KCNQ5: variants seen among roughly 807,000 people sequenced by gnomAD.
KCNQ5 encodes potassium voltage-gated channel subfamily KQT member 5.
Under a neutral mutation model 98.2 loss-of-function variants are expected in KCNQ5, and 30 were observed. The ratio of observed to expected loss-of-function variants is 0.31; its 90% CI spans 0.23 to 0.41. The LOEUF is 0.41. KCNQ5 is among the 10% of genes least tolerant of loss of function. KCNQ5 has a pLI of 1.00. For missense variants in KCNQ5, 835 were observed against 1,182.5 expected, an observed-to-expected ratio of 0.71 and a Z score of 4.31; for synonymous variants, 458 against 449.4, an observed-to-expected ratio of 1.02 and a Z score of -0.24.
chr6:73,094,959 T>C (rs1011319690), intron 5 of KCNQ5, among the ~76,000 whole-genome samples: 2 of 152,208 alleles, frequency 1.3e-5, no homozygotes, highest in African/African-American at 4.8e-5. Flanking sequence ...TGTATTTGGA[T>C]GTCTAGGTCT....
chr6:72,713,586 C>T (rs890358920), intron 1 of KCNQ5, among the ~76,000 whole-genome samples: 31 of 152,130 alleles, frequency 2.0e-4, no homozygotes, highest in African/African-American at 7.5e-4. Flanking sequence ...AGTCAATATT[C>T]CATATTGTCA....
intron 1 of KCNQ5, among the ~76,000 whole-genome samples, chr6:72,831,368 G>T (rs1246547485): frequency 6.6e-6 from 1 of 152,126 alleles, no homozygotes; most frequent in South Asian, 2.1e-4. Flanking sequence ...AGAAAATGTA[G>T]CACATATACA....
chr6:73,098,178 GAAGA>G (rs1427748862), intron 5 of KCNQ5, among the ~76,000 whole-genome samples: 1 of 152,086 alleles, frequency 6.6e-6, no homozygotes, highest in Non-Finnish European at 1.5e-5. Flanking sequence ...TGATCAAGCA[GAAGA>G]AAGAACTAGT....
intron 1 of KCNQ5, among the ~76,000 whole-genome samples, chr6:72,863,111 G>A (rs1777836620): frequency 6.6e-6 from 1 of 152,124 alleles, no homozygotes; most frequent in African/African-American, 2.4e-5. Flanking sequence ...AACGTACCCT[G>A]TAAAGTGTAG....
intron 1 of KCNQ5, among the ~76,000 whole-genome samples, chr6:72,656,850 C>G (rs1766221860): frequency 6.6e-6 from 1 of 152,038 alleles, no homozygotes; most frequent in Non-Finnish European, 1.5e-5. Context: ...TAGACTCTGT[C>G]CCTAGGTGCT....
At chr6:73,085,754 A>G (rs1475083057) in intron 5 of KCNQ5, among the ~76,000 whole-genome samples, 1 of 152,204 alleles carries the variant, frequency 6.6e-6, no homozygotes, top group Non-Finnish European at 1.5e-5. Context: ...CTCAGGATGA[A>G]ACACTGAGCA....
chr6:72,986,008 A>G (rs1419530671), intron 1 of KCNQ5, among the ~76,000 whole-genome samples: 1 of 152,148 alleles, frequency 6.6e-6, no homozygotes. Context: ...AGGCAGGTGA[A>G]TCATGAGGTC....
intron 2 of KCNQ5, among the ~76,000 whole-genome samples, chr6:73,009,295 A>G (rs1053510871): frequency 2.0e-5 from 3 of 152,072 alleles, no homozygotes; most frequent in Admixed American, 6.6e-5. Flanking sequence ...CCCAGCCTAA[A>G]CAGCATACTT....
intron 1 of KCNQ5, among the ~76,000 whole-genome samples, chr6:72,754,914 A>C (rs1371439056): frequency 6.6e-6 from 1 of 152,050 alleles, no homozygotes; most frequent in African/African-American, 2.4e-5. Context: ...ATGTCCAACT[A>C]TAATTGTGAG....
At chr6:72,742,593 A>T (rs578039333) in intron 1 of KCNQ5, among the ~76,000 whole-genome samples, 148 of 152,350 alleles carry the variant, frequency 9.7e-4, no homozygotes, top group Non-Finnish European at 1.7e-3. Flanking sequence ...TGTGGCAGTG[A>T]CATGCATTTG....
At chr6:72,665,407 T>C (rs989404747) in intron 1 of KCNQ5, among the ~76,000 whole-genome samples, 1 of 150,988 alleles carries the variant, frequency 6.6e-6, no homozygotes, top group Non-Finnish European at 1.5e-5. Flanking sequence ...ATTTGTGTAA[T>C]ATGGCGTTTT....
At chr6:72,844,027 G>A (rs910625967) in intron 1 of KCNQ5, among the ~76,000 whole-genome samples, 23 of 152,136 alleles carry the variant, frequency 1.5e-4, no homozygotes, top group Non-Finnish European at 3.1e-4. Flanking sequence ...GCTATGGGAA[G>A]GATAGCATTA....
intron 1 of KCNQ5, among the ~76,000 whole-genome samples, chr6:72,770,356 A>T (rs1305053298): frequency 3.3e-5 from 5 of 152,134 alleles, no homozygotes; most frequent in Non-Finnish European, 4.4e-5. Context: ...AAGATGATAA[A>T]GCATTGGTAG....
chr6:72,968,005 C>T (rs901115965), intron 1 of KCNQ5, among the ~76,000 whole-genome samples: 47 of 152,136 alleles, frequency 3.1e-4, no homozygotes, highest in Non-Finnish European at 5.4e-4. Context: ...CTTCCTCATT[C>T]GCAGGGCCAC....
At chr6:72,861,971 C>T (rs1777782425) in intron 1 of KCNQ5, among the ~76,000 whole-genome samples, 1 of 152,144 alleles carries the variant, frequency 6.6e-6, no homozygotes, top group South Asian at 2.1e-4. Context: ...TGCCCTCTGC[C>T]AGTTTTCTCA....
At chr6:72,654,976 A>G (rs1766071237) in intron 1 of KCNQ5, among the ~76,000 whole-genome samples, 1 of 151,936 alleles carries the variant, frequency 6.6e-6, no homozygotes, top group Non-Finnish European at 1.5e-5. Context: ...TTTCCAATAA[A>G]CACTGCTTAC....
In KCNQ5 at chr6:73,197,449, G is replaced by A. The variant is rs1290193221; in HGVS notation, c.*2035G>A. 1 of 152,098 alleles carries A rather than the reference G, an allele frequency of 6.6e-6. No individual in the cohort carries two copies. Among genetic ancestry groups the A allele is most frequent in the Non-Finnish European group, 1.5e-5 (1 of 68,030 alleles). The allele number at this position is 152,098 out of a possible 1,614,324, so 9.4% of individuals were successfully genotyped here. On this transcript the variant is annotated 3_prime_UTR_variant, in exon 14 of 14. Coordinates refer to ENST00000370398, the MANE Select transcript of KCNQ5 (RefSeq NM_019842.4). ...GATAGAGGCTAAATTTTACACTTCA[G>A]TTAAGACATTGTCAATCCTTTTAAG... is the stretch of plus-strand genomic sequence containing the variant.
intron 1 of KCNQ5, among the ~76,000 whole-genome samples, chr6:72,856,265 T>C (rs1238280868): frequency 1.3e-5 from 2 of 152,132 alleles, no homozygotes; most frequent in Non-Finnish European, 2.9e-5. Context: ...AATCTTGAAG[T>C]TGACAATGAC....
intron 1 of KCNQ5, among the ~76,000 whole-genome samples, chr6:72,703,374 C>A (rs921146194): frequency 2.6e-5 from 4 of 152,220 alleles, no homozygotes; most frequent in African/African-American, 9.6e-5. Context: ...AATGAGCCCA[C>A]GTCCTGGCAT....
Sources: gnomAD v4.1 joint callset for allele counts (sites outside exome capture counted in the v4.1 genomes callset) on GRCh38, gnomAD v4.1.1 for gene constraint, MANE v1.5 for transcripts, NCBI Gene and HGNC (gene_info 2026-07-23, HGNC 2026-07-21) for gene names.